The following NACC2 variants were observed in gnomAD, a reference collection of about 807,000 sequenced individuals.
NACC2 encodes nucleus accumbens-associated protein 2.
A neutral mutation model predicts 25.1 loss-of-function variants in NACC2; 8 were observed. The observed-to-expected ratio is 0.32, with a 90% CI of 0.19 to 0.57. The LOEUF (loss-of-function observed/expected upper bound fraction) is 0.57. NACC2 is among the 20% of genes least tolerant of loss of function. NACC2 has a pLI of 0.89. For missense variants in NACC2, 644 were observed against 650.2 expected (o/e 0.99, Z 0.10); for synonymous variants, 435 against 294.7 (o/e 1.48, Z -4.88).
At chr9:136,094,397 T>C in intron 1 of NACC2, among the ~76,000 whole-genome samples, 1 of 152,132 alleles carries the variant, frequency 6.6e-6, no homozygotes, top group Non-Finnish European at 1.5e-5. Context: ...AGGTGACCTC[T>C]GACCTCCGAC....
rs768088065 is a variant in NACC2 at position 136,013,969 on chromosome 9, C to T, written c.1052G>A (p.Gly351Asp). The change falls in exon 4 of 6, where the codon GGC (glycine) becomes GAC (aspartate). Residue 351 changes from glycine (G) to aspartate (D), a missense_variant and splice_region_variant. Gly to Asp is a moderately conservative substitution (Grantham distance 94, BLOSUM62 -1). Coordinates refer to ENST00000277554, the MANE Select transcript of NACC2 (RefSeq NM_144653.5). This position sits in a 1 kb window ranked among gnomAD's most constrained non-coding sequence, Gnocchi z 6.6. ...DPGEKLELVA[G>D]SGVYITRGQL... is the part of the protein sequence containing the mutation. Reference sequence around the variant, plus strand: ...GCCGCGTGTGATGTAGACCCCAGAGCCTGCAGCCACCAAACAGAAAAAGGG... The same window carrying T: ...GCCGCGTGTGATGTAGACCCCAGAGTCTGCAGCCACCAAACAGAAAAAGGG... The T allele has an allele frequency of 1.2e-6, 2 of 1,611,356 alleles. No individual in the cohort carries two copies. Among genetic ancestry groups the T allele is most frequent in the Admixed American group, 1.7e-5 (1 of 59,902 alleles).
At chr9:136,035,670 G>A (rs916904102) in intron 2 of NACC2, among the ~76,000 whole-genome samples, 1 of 151,522 alleles carries the variant, frequency 6.6e-6, no homozygotes, top group Non-Finnish European at 1.5e-5. Context: ...CTTGAATTTT[G>A]CACAGCGTAC....
chr9:136,094,674 G>C (rs892530924), intron 1 of NACC2, among the ~76,000 whole-genome samples: 2 of 152,106 alleles, frequency 1.3e-5, no homozygotes, highest in African/African-American at 4.8e-5. Context: ...GGGCCCACCT[G>C]GACCGGGAGG....
chr9:136,052,468 T>G, intron 1 of NACC2, among the ~76,000 whole-genome samples: 1 of 117,124 alleles, frequency 8.5e-6, no homozygotes. Flanking sequence ...TCAGGACAGC[T>G]AGGGGAGCCA....
chr9:136,045,543 G>A (rs1009661374), intron 2 of NACC2, among the ~76,000 whole-genome samples: 65 of 152,330 alleles, frequency 4.3e-4, no homozygotes, highest in African/African-American at 1.4e-3. Context: ...AGGGATGGCC[G>A]GGCGAGCCCC....
rs1840910675 is a variant in NACC2, at chr9:136,055,457, G to A, written c.-59-4877C>T. On this transcript the variant is annotated intron_variant, in intron 1 of 5. Transcript: ENST00000277554. The surrounding 1 kb of genome is among the most constrained non-coding windows in gnomAD (Gnocchi z 4.9). The stretch of plus-strand genomic sequence containing the variant: ...AGGGACCAGTCAGGCAGCCCAACAG[G>A]AGGAGCCCTTTTCCTGGGGCCCAGC... Among the ~76,000 whole-genome samples, 1 of 152,088 alleles carries A rather than the reference G, an allele frequency of 6.6e-6. No homozygotes were observed. The highest frequency in any genetic ancestry group is 1.5e-5 in the Non-Finnish European group (1 of 68,016).
chr9:136,063,273 G>A (rs1407988517), intron 1 of NACC2, among the ~76,000 whole-genome samples: 36 of 152,212 alleles, frequency 2.4e-4, no homozygotes, highest in Admixed American at 2.3e-3. Flanking sequence ...ACGCACCAGC[G>A]AGGGGGCCCT....
chr9:136,057,881 G>A (rs761949355), intron 1 of NACC2, among the ~76,000 whole-genome samples: 5 of 152,244 alleles, frequency 3.3e-5, no homozygotes, highest in Non-Finnish European at 5.9e-5. Context: ...GCAATGGGAG[G>A]CGGTCTGGAG....
chr9:136,068,966 G>A (rs1841119549), intron 1 of NACC2, among the ~76,000 whole-genome samples: 1 of 150,598 alleles, frequency 6.6e-6, no homozygotes, highest in East Asian at 2.0e-4. Context: ...TGCCCAGGCT[G>A]GAGTTTAATG....
At chr9:136,015,271 C>A (rs915696459) in intron 3 of NACC2, among the ~76,000 whole-genome samples, 2 of 152,240 alleles carry the variant, frequency 1.3e-5, no homozygotes, top group Non-Finnish European at 2.9e-5. Context: ...CACCTGCGCC[C>A]CAGAGCCCAA....
intron 1 of NACC2, among the ~76,000 whole-genome samples, chr9:136,090,049 C>T (rs1564245779): frequency 6.6e-6 from 1 of 151,872 alleles, no homozygotes; most frequent in Non-Finnish European, 1.5e-5. Flanking sequence ...AACAAAGGCG[C>T]TTAGCTGTGC....
In NACC2 at chr9:136,011,430, T is replaced by TAA; in HGVS notation, c.*84_*85dup. 4 of 1,255,940 alleles carry TAA rather than the reference T, an allele frequency of 3.2e-6. No individual in the cohort carries two copies. The highest frequency in any genetic ancestry group is 4.0e-6 in the Non-Finnish European group (4 of 987,854). The allele number at this position is 1,255,940 out of a possible 1,614,324, so 77.8% of individuals were successfully genotyped here. ...CAGGCAACAGTAGCAGTTCAGTAGG[T>TAA]AAGTGGCTTGATCACATTTGTTTGT... On this transcript the variant is annotated 3_prime_UTR_variant, in exon 6 of 6. Transcript: ENST00000277554.
chr9:136,049,665 A>C lies in NACC2; in HGVS notation c.857T>G (p.Met286Arg). The C allele has an allele frequency of 1.3e-6, 1 of 778,238 alleles. No individual in the cohort carries two copies. The highest frequency in any genetic ancestry group is 2.4e-6 in the Non-Finnish European group (1 of 417,048). 48.2% of individuals were successfully genotyped at this position (778,238 alleles called of 1,614,324 possible). The change falls in exon 2 of 6, where the codon ATG (methionine) becomes AGG (arginine). Residue 286 changes from methionine (M) to arginine (R), a missense_variant. Transcript: ENST00000277554. Reference sequence around the variant, plus strand: ...ATAGCTGCCGGAGGCCTTGATGTACATCTGGCCGTACTGCTCCTCCACCAT... The same window carrying C: ...ATAGCTGCCGGAGGCCTTGATGTACCTCTGGCCGTACTGCTCCTCCACCAT... ...DTMVEEQYGQ[M>R]YIKASGSYAV...
chr9:136,083,145 G>T (rs937017832), intron 1 of NACC2, among the ~76,000 whole-genome samples: 4 of 152,210 alleles, frequency 2.6e-5, no homozygotes, highest in African/African-American at 9.7e-5. Context: ...GGGCCACCCT[G>T]CTGGAGCGGA....
At position 136,018,879 on chromosome 9, in the gene NACC2, A is replaced by G. The variant is rs995755868; in HGVS notation, c.887-2450T>C. 2.9e-4 allele frequency among the ~76,000 whole-genome samples: 44 copies of G among 152,166 alleles called. No homozygotes were observed. The highest frequency in any genetic ancestry group is 2.4e-3 in the Admixed American group (37 of 15,284). On this transcript the variant is annotated intron_variant, in intron 2 of 5. Transcript: ENST00000277554. This position sits in a 1 kb window ranked among gnomAD's most constrained non-coding sequence, Gnocchi z 4.4. ...CACGGTGCGTGGCATTTACATAAAG[A>G]GTTCACCAACAGAAATAATTCCCCA...
At chr9:136,087,830 G>A (rs78334615) in intron 1 of NACC2, among the ~76,000 whole-genome samples, 3 of 152,262 alleles carry the variant, frequency 2.0e-5, no homozygotes, top group East Asian at 1.9e-4. Flanking sequence ...GGCCCCAAGC[G>A]CCCTGTCCTC....
chr9:136,074,949 C>T (rs949187993), intron 1 of NACC2, among the ~76,000 whole-genome samples: 3 of 152,170 alleles, frequency 2.0e-5, no homozygotes, highest in South Asian at 2.1e-4. Flanking sequence ...TCTGGGAGCC[C>T]GGGAGCTCTG....
Position 136,013,381 on chromosome 9 carries a change from G to A in NACC2, c.1158-85C>T. ...GACCCGCCCGCACGAATGCCCTGCT[G>A]GGAGGCCACTTGGCCTCACCCTTGG... On this transcript the variant is annotated intron_variant, in intron 4 of 5. Coordinates refer to ENST00000277554, the MANE Select transcript of NACC2 (RefSeq NM_144653.5). This position sits in a 1 kb window ranked among gnomAD's most constrained non-coding sequence, Gnocchi z 6.6. 1 of 1,282,462 alleles carries A rather than the reference G, an allele frequency of 7.8e-7. No homozygotes were observed. The highest frequency in any genetic ancestry group is 1.1e-6 in the Non-Finnish European group (1 of 905,384). 79.4% of individuals were successfully genotyped at this position (1,282,462 alleles called of 1,614,324 possible).
intron 1 of NACC2, among the ~76,000 whole-genome samples, chr9:136,064,705 A>G (rs1431203936): frequency 3.3e-5 from 5 of 152,330 alleles, no homozygotes; most frequent in Middle Eastern, 3.4e-3. Context: ...CTTTGCCAAC[A>G]TTGTCGAGCT....
Sources: gnomAD v4.1 joint callset for allele counts (sites outside exome capture counted in the v4.1 genomes callset) on GRCh38, gnomAD v4.1.1 for gene constraint, Gnocchi (gnomAD v3.1) non-coding constraint, MANE v1.5 for transcripts, NCBI Gene and HGNC (gene_info 2026-07-23, HGNC 2026-07-21) for gene names.